Variants in LMF1 observed in about 807,000 individuals in gnomAD.
The protein encoded by LMF1 is lipase maturation factor 1.
A neutral mutation model predicts 60.6 loss-of-function variants in LMF1; 68 were observed. That is an observed-to-expected ratio of 1.12 (90% CI 0.92 to 1.37). The LOEUF is 1.37. Ranked by LOEUF, LMF1 falls within the 40% of genes most tolerant of loss-of-function variation. The probability of loss-of-function intolerance (pLI) is 0.00; values close to 1 mark genes in which losing one functional copy is unlikely to be tolerated. For synonymous variants in LMF1, 418 were observed against 324.7 expected (o/e 1.29, Z -3.09); for missense variants, 948 against 767.2 (o/e 1.24, Z -2.78).
chr16:884,988 G>A (rs891745400), intron 5 of LMF1: 68 of 152,388 alleles, frequency 4.5e-4, no homozygotes, highest in African/African-American at 1.5e-3. Context: ...TCCGGAAATG[G>A]TAAGTATATG....
In LMF1 at chr16:853,854, T is replaced by C. The variant is rs1220468495; in HGVS notation, c.*678A>G. On this transcript the variant is annotated 3_prime_UTR_variant, in exon 11 of 11. Transcript: ENST00000262301. The stretch of plus-strand genomic sequence containing the variant: ...AGGGTCTGGGTGTGCGCTGTGTCCA[T>C]CTGCACCTCACAGACACCAGTCATG... 4 of 454,068 alleles carry C rather than the reference T, an allele frequency of 8.8e-6. No individual in the cohort carries two copies. Among genetic ancestry groups the C allele is most frequent in the South Asian group, 1.6e-5 (1 of 64,472 alleles). 28.1% of individuals were successfully genotyped at this position (454,068 alleles called of 1,614,324 possible).
At chr16:922,908 A>G (rs9931514) in intron 3 of LMF1, among the ~76,000 whole-genome samples, 57 of 69,696 alleles carry the variant, frequency 8.2e-4, no homozygotes, top group African/African-American at 2.1e-3. Context: ...CCTGTGTGAA[A>G]GTCGCCGGGG....
intron 5 of LMF1, among the ~76,000 whole-genome samples, chr16:885,549 A>G (rs1485471065): frequency 1.3e-5 from 2 of 152,206 alleles, no homozygotes; most frequent in Non-Finnish European, 2.9e-5. Context: ...ACGGAAAAAC[A>G]TACCATACAA....
intron 5 of LMF1, among the ~76,000 whole-genome samples, chr16:890,842 A>G (rs1415990670): frequency 7.3e-6 from 1 of 137,194 alleles, no homozygotes; most frequent in African/African-American, 3.1e-5. Flanking sequence ...AGGCCCTGAC[A>G]CTGCTGCGGC....
intron 1 of LMF1, chr16:964,028 C>G (rs1187214452): frequency 1.1e-5 from 5 of 455,934 alleles, no homozygotes; most frequent in Non-Finnish European, 1.8e-5. Context: ...CCGCCTCTCA[C>G]AGGGACCCAG....
intron 2 of LMF1, chr16:934,571 C>T (rs549319518): frequency 1.1e-4 from 43 of 377,536 alleles, no homozygotes; most frequent in South Asian, 7.1e-4. Flanking sequence ...TTAAATGCCA[C>T]GGCAAATGTC....
At chr16:857,367 T>G (rs936781657) in intron 10 of LMF1, among the ~76,000 whole-genome samples, 5 of 152,258 alleles carry the variant, frequency 3.3e-5, no homozygotes, top group Admixed American at 3.3e-4. Context: ...CTCGATTTCT[T>G]GGTATCTTTG....
At chr16:970,546 A>ACCGGGAGC (rs2073020517) in intron 1 of LMF1, among the ~76,000 whole-genome samples, 1 of 152,096 alleles carries the variant, frequency 6.6e-6, no homozygotes, top group African/African-American at 2.4e-5. Context: ...TGCGGGTGGA[A>ACCGGGAGC]CCGGGAGCCC....
At chr16:884,434 C>G (rs2070250087) in intron 5 of LMF1, among the ~76,000 whole-genome samples, 1 of 152,214 alleles carries the variant, frequency 6.6e-6, no homozygotes, top group African/African-American at 2.4e-5. Context: ...ACCTGTCAAC[C>G]TAGAATTCTA....
chr16:979,078 G>GGTGGCCCGGCTCCATCCT, intron 1 of LMF1: 1 of 453,950 alleles, frequency 2.2e-6, no homozygotes, highest in Non-Finnish European at 4.4e-6. Context: ...GAGCTGTGAG[G>GGTGGCCCGGCTCCATCCT]GTGGCCCGGC....
intron 2 of LMF1, among the ~76,000 whole-genome samples, chr16:953,440 G>C (rs866371106): frequency 0.27 from 2,469 of 9,032 alleles, 506 homozygotes; most frequent in East Asian, 0.6. Context: ...CACAGACACG[G>C]ACCCCACACC....
chr16:913,360 C>G (rs557738068), intron 3 of LMF1, among the ~76,000 whole-genome samples: 1 of 152,382 alleles, frequency 6.6e-6, no homozygotes, highest in East Asian at 1.9e-4. Flanking sequence ...CTTCCTGCGA[C>G]ACAGACAGCG....
At position 864,200 on chromosome 16, in the gene LMF1, A is replaced by G. The variant is rs142760065; in HGVS notation, c.1529+4744T>C. Among the ~76,000 whole-genome samples, 27 of 152,300 alleles carry G rather than the reference A, an allele frequency of 1.8e-4. No individual in the cohort carries two copies. In the East Asian group the frequency reaches 3.9e-3, roughly 22 times the overall value. On this transcript the variant is annotated intron_variant, in intron 10 of 10. Coordinates refer to ENST00000262301, the MANE Select transcript of LMF1 (RefSeq NM_022773.4). ...TTCTCATTGTCCGTCTTTGTCTCCA[A>G]TAATTTTTGCACTGAGGTCTACTTT...
At position 869,871 on chromosome 16, in the gene LMF1, AC is replaced by A; in HGVS notation, c.1416+11del. On this transcript the variant is annotated intron_variant, in intron 9 of 10. Transcript: ENST00000262301. ...AGGCAGGTCCATGCGCCCGCCAGGG[AC>A]CGTCCCCCACCTGGAAGGCCGCGAA... is the stretch of plus-strand genomic sequence containing the variant. 6.2e-7 allele frequency: 1 copy of A among 1,608,002 alleles called. No individual in the cohort carries two copies. The highest frequency in any genetic ancestry group is 1.3e-5 in the African/African-American group (1 of 74,950).
intron 1 of LMF1, chr16:964,147 ATAGCTGGGCGTGGCAGCCTGTGCCCG>A: frequency 2.2e-6 from 1 of 455,868 alleles, no homozygotes; most frequent in Non-Finnish European, 4.4e-6. Context: ...TCAGAAAGAA[ATAGCTGGGCGTGGCAGCCTGTGCCCG>A]TAGCCCCAGC....
In LMF1 at chr16:913,709, G is replaced by A. The variant is rs79763431; in HGVS notation, c.515-2630C>T. 2.2e-3 allele frequency among the ~76,000 whole-genome samples: 335 copies of A among 152,336 alleles called. 1 individual carries two copies. The highest frequency in any genetic ancestry group is 7.6e-3 in the African/African-American group (316 of 41,582). ...GTACTGTGCCATTCACAGGCGTCTC[G>A]GGGCATCAGAAAAGGCAGAAACAAG... On this transcript the variant is annotated intron_variant, in intron 3 of 10. Transcript: ENST00000262301.
rs552519677 is a variant in LMF1 at position 965,778 on chromosome 16, G to T, written c.193+5010C>A. On this transcript the variant is annotated intron_variant, in intron 1 of 10. Coordinates refer to ENST00000262301, the MANE Select transcript of LMF1 (RefSeq NM_022773.4). Reference sequence around the variant, plus strand: ...CCTGCTGGGCCGCACCTCGGGGCTGGAGGTGGGTAGAGGGGAAAGAAGGGG... The same window carrying T: ...CCTGCTGGGCCGCACCTCGGGGCTGTAGGTGGGTAGAGGGGAAAGAAGGGG... Among the ~76,000 whole-genome samples, 357 of 152,296 alleles carry T rather than the reference G, an allele frequency of 2.3e-3. 1 individual carries two copies. Among genetic ancestry groups the T allele is most frequent in the African/African-American group, 8.2e-3 (339 of 41,550 alleles).
At position 944,177 on chromosome 16, in the gene LMF1, G is replaced by T. The variant is rs145231885; in HGVS notation, c.504-9923C>A. On this transcript the variant is annotated intron_variant, in intron 2 of 10. Coordinates refer to ENST00000262301, the MANE Select transcript of LMF1 (RefSeq NM_022773.4). ...AAGTCACCTCTGGACCGGCTGATGG[G>T]GAGGCTTGTCTCCCAGCCAGCACTG... is the stretch of plus-strand genomic sequence containing the variant. 9.9e-3 allele frequency among the ~76,000 whole-genome samples: 1,507 copies of T among 152,088 alleles called. 23 individuals carry two copies. The highest frequency in any genetic ancestry group is 0.011 in the Non-Finnish European group (729 of 67,994).
In LMF1 at chr16:954,236, C is replaced by T. The variant is rs766612101; in HGVS notation, c.503+121G>A. 1.5e-5 allele frequency: 16 copies of T among 1,060,178 alleles called. No homozygotes were observed. The Middle Eastern group carries it at 7.8e-4, about 52-fold the overall frequency. 65.7% of individuals were successfully genotyped at this position (1,060,178 alleles called of 1,614,324 possible). On this transcript the variant is annotated intron_variant, in intron 2 of 10. Transcript: ENST00000262301. ...CCATGGCCTAAGTAAAATGACAATA[C>T]CCTCCTGAAGGAATTTAAGATAAAC...
Sources: allele counts gnomAD v4.1 joint callset (sites outside exome capture counted in the v4.1 genomes callset), GRCh38; gene constraint gnomAD v4.1.1; transcripts MANE v1.5; gene names NCBI Gene and HGNC (gene_info 2026-07-23, HGNC 2026-07-21).